STXBP5: variants seen among roughly 807,000 people sequenced by gnomAD.
STXBP5 encodes the protein syntaxin-binding protein 5.
A neutral mutation model predicts 152.4 loss-of-function variants in STXBP5; 50 were observed. The observed-to-expected ratio is 0.33, with a 90% CI of 0.26 to 0.42. STXBP5 has a LOEUF of 0.42. Ranked by LOEUF, STXBP5 falls within the 10% of genes least tolerant of loss-of-function variation. STXBP5 has a pLI of 1.00. For missense variants in STXBP5, 1,167 were observed against 1,388.6 expected, an observed-to-expected ratio of 0.84 and a Z score of 2.54; for synonymous variants, 492 against 494.7, an observed-to-expected ratio of 0.99 and a Z score of 0.07.
At chr6:147,214,572 A>G (rs1035971346) in intron 2 of STXBP5, among the ~76,000 whole-genome samples, 3 of 152,142 alleles carry the variant, frequency 2.0e-5, no homozygotes, top group Non-Finnish European at 4.4e-5. Context: ...TCTTTGTGAT[A>G]TATGTTTTGG....
intron 25 of STXBP5, among the ~76,000 whole-genome samples, chr6:147,364,492 T>G (rs1785205048): frequency 6.6e-6 from 1 of 152,200 alleles, no homozygotes; most frequent in South Asian, 2.1e-4. Flanking sequence ...CAGTCCTTTT[T>G]AAAGAAGTGT....
Position 147,359,291 on chromosome 6 carries a change from G to C in STXBP5, c.2513G>C (p.Arg838Thr), listed in dbSNP as rs1221215852. The change falls in exon 23 of 28, where the codon AGA becomes ACA. Residue 838 changes from arginine to threonine, a missense_variant. Coordinates refer to ENST00000321680, the MANE Select transcript of STXBP5 (RefSeq NM_001127715.4). Reference protein sequence around the residue: ...ALNLPPGGEQRLLQPVIVSPS... With the variant: ...ALNLPPGGEQTLLQPVIVSPS... ...AACCTTCCCCCAGGGGGAGAGCAAA[G>C]ACTTCTTCAGCCAGTAATTGTGTCT... The C allele has an allele frequency of 6.2e-7, 1 of 1,613,900 alleles. No homozygotes were observed. Among genetic ancestry groups the C allele is most frequent in the Admixed American group, 1.7e-5 (1 of 59,994 alleles).
chr6:147,275,549 CTTTTTTTTTTTTTT>C (rs71031021), intron 7 of STXBP5, among the ~76,000 whole-genome samples: 32 of 64,482 alleles, frequency 5.0e-4, no homozygotes, highest in Non-Finnish European at 8.1e-4. Context: ...AGTAAATATT[CTTTTTTTTTTTTTT>C]TTTTTTTTTT....
chr6:147,386,216 T>C lies in STXBP5; in HGVS notation c.*1461T>C, dbSNP rs542416389. Reference sequence around the variant, plus strand: ...AGCAAAATGGAAGCATTAAAATTAATGTTAATGAAATTTAAATATTGTCTT... The same window carrying C: ...AGCAAAATGGAAGCATTAAAATTAACGTTAATGAAATTTAAATATTGTCTT... On this transcript the variant is annotated 3_prime_UTR_variant, in exon 28 of 28. Coordinates refer to ENST00000321680, the MANE Select transcript of STXBP5 (RefSeq NM_001127715.4). 6.6e-6 allele frequency: 1 copy of C among 152,042 alleles called. No individual in the cohort carries two copies. Among genetic ancestry groups the C allele is most frequent in the South Asian group, 2.1e-4 (1 of 4,824 alleles). 9.4% of individuals were successfully genotyped at this position (152,042 alleles called of 1,614,324 possible).
At chr6:147,310,642 C>G (rs1322186084) in intron 10 of STXBP5, among the ~76,000 whole-genome samples, 1 of 152,036 alleles carries the variant, frequency 6.6e-6, no homozygotes, top group African/African-American at 2.4e-5. Flanking sequence ...GCTGGAAATT[C>G]AGGAAGGCAT....
In STXBP5 at chr6:147,315,587, C is replaced by G. The variant is rs1271524688; in HGVS notation, c.1475C>G (p.Pro492Arg). 4 of 1,613,712 alleles carry G rather than the reference C, an allele frequency of 2.5e-6. No homozygotes were observed. In the South Asian group the frequency reaches 4.4e-5, roughly 18 times the overall value. The change falls in exon 15 of 28, where the codon CCA becomes CGA. Residue 492 changes from proline (P) to arginine (R), a missense_variant. By Grantham distance (103) the Pro-to-Arg change is moderately radical. This residue lies in a region of STXBP5 where 833 missense variants were observed against 986.3 expected (regional missense o/e 0.84). Coordinates refer to ENST00000321680, the MANE Select transcript of STXBP5 (RefSeq NM_001127715.4). ...AAGTCAAGAAATAAAGATGACAGGCCAAACACAGACATTGTAGATGAAGAT... is the reference window on the plus strand; with the variant it reads ...AAGTCAAGAAATAAAGATGACAGGCGAAACACAGACATTGTAGATGAAGAT... ...FEKSRNKDDRPNTDIVDEDPY... is the reference protein window; with the variant it reads ...FEKSRNKDDRRNTDIVDEDPY...
At chr6:147,236,829 C>G (rs989277450) in intron 3 of STXBP5, among the ~76,000 whole-genome samples, 2 of 148,976 alleles carry the variant, frequency 1.3e-5, no homozygotes, top group Non-Finnish European at 3.0e-5. Context: ...CCCAGGCTGG[C>G]ATGCAATGGC....
chr6:147,278,153 A>G lies in STXBP5; in HGVS notation c.787A>G (p.Ile263Val), dbSNP rs148528112. The change falls in exon 8 of 28, where the codon ATA becomes GTA. Residue 263 changes from isoleucine (I) to valine (V), a missense_variant. Coordinates refer to ENST00000321680, the MANE Select transcript of STXBP5 (RefSeq NM_001127715.4). ...CAGTCATTCAGATGGCACCTTGACT[A>G]TATGGAATGTAAGGTCCCCTGCTAA... Reference protein sequence around the residue: ...ICSHSDGTLTIWNVRSPAKPV... With the variant: ...ICSHSDGTLTVWNVRSPAKPV... 432 of 1,612,914 alleles carry G rather than the reference A, an allele frequency of 2.7e-4. No individual in the cohort carries two copies. The African/African-American group carries it at 4.7e-3, about 18-fold the overall frequency.
chr6:147,235,895 G>A (rs1405370943), intron 3 of STXBP5, among the ~76,000 whole-genome samples: 1 of 152,062 alleles, frequency 6.6e-6, no homozygotes. Context: ...AAGAGCATAC[G>A]AGCAGCTCAG....
intron 25 of STXBP5, among the ~76,000 whole-genome samples, chr6:147,366,027 A>G (rs1056353516): frequency 2.6e-5 from 4 of 152,206 alleles, no homozygotes; most frequent in Non-Finnish European, 4.4e-5. Context: ...AAGGTGTCCC[A>G]GCTTTAATGC....
intron 4 of STXBP5, 129 bp from the exon 5 acceptor site, chr6:147,260,486 T>A: frequency 3.0e-6 from 3 of 1,001,468 alleles, no homozygotes; most frequent in Non-Finnish European, 4.5e-6. Flanking sequence ...TCACAATGAA[T>A]AGATAAATCT....
chr6:147,289,337 A>G (rs1781158850), intron 8 of STXBP5, among the ~76,000 whole-genome samples: 1 of 152,176 alleles, frequency 6.6e-6, no homozygotes, highest in African/African-American at 2.4e-5. Flanking sequence ...TACTGGGTGA[A>G]CTTTAAGATC....
Position 147,333,846 on chromosome 6 carries a change from A to G in STXBP5, c.2081-311A>G, listed in dbSNP as rs148682576. Among the ~76,000 whole-genome samples the G allele has an allele frequency of 5.7e-3, 874 of 152,340 alleles. 1 individual carries two copies. The highest frequency in any genetic ancestry group is 8.7e-3 in the Non-Finnish European group (592 of 68,024). ...TCTTGATGTGTTTTTGTTTATTTAT[A>G]ATGTTTAGACAATTTGCAGGGGTTT... On this transcript the variant is annotated intron_variant, in intron 18 of 27. Coordinates refer to ENST00000321680, the MANE Select transcript of STXBP5 (RefSeq NM_001127715.4).
chr6:147,329,278 GTTA>G (rs1038641806), intron 18 of STXBP5, among the ~76,000 whole-genome samples: 2 of 145,540 alleles, frequency 1.4e-5, no homozygotes, highest in African/African-American at 2.5e-5. Context: ...GCTTTATTTT[GTTA>G]TTGAAGAATT....
chr6:147,353,294 G>A, intron 21 of STXBP5, 29 bp from the exon 22 acceptor site: 1 of 1,496,508 alleles, frequency 6.7e-7, no homozygotes, highest in Non-Finnish European at 9.1e-7. Flanking sequence ...ATATTCTTCA[G>A]AATTTTAAAA....
At chr6:147,253,567 C>G (rs892383183) in intron 4 of STXBP5, among the ~76,000 whole-genome samples, 1 of 152,120 alleles carries the variant, frequency 6.6e-6, no homozygotes, top group Non-Finnish European at 1.5e-5. Flanking sequence ...CGTCTCAGCC[C>G]AAAATCTCCT....
At chr6:147,244,291 A>T (rs1305766608) in intron 4 of STXBP5, among the ~76,000 whole-genome samples, 2 of 152,088 alleles carry the variant, frequency 1.3e-5, no homozygotes, top group East Asian at 3.9e-4. Flanking sequence ...TGACTGATTG[A>T]CTTGATTACT....
chr6:147,249,933 A>G lies in STXBP5; in HGVS notation c.431+10663A>G, dbSNP rs78857370. 4.4e-3 allele frequency among the ~76,000 whole-genome samples: 667 copies of G among 152,322 alleles called. 14 individuals carry two copies. The highest frequency in any genetic ancestry group is 0.034 in the Admixed American group (526 of 15,294). On this transcript the variant is annotated intron_variant, in intron 4 of 27. Transcript: ENST00000321680. ...CCCACAGGCATTTCAGCAGGAGCCA[A>G]AATGGAGAAAGGGTTCTCTGAAAAA...
chr6:147,231,098 A>G (rs771938773), intron 2 of STXBP5, among the ~76,000 whole-genome samples: 7 of 151,858 alleles, frequency 4.6e-5, no homozygotes, highest in African/African-American at 1.7e-4. Context: ...AAAAAAAAAT[A>G]AATAGATAAG....
Sources: allele counts gnomAD v4.1 joint callset (sites outside exome capture counted in the v4.1 genomes callset), GRCh38; gene constraint gnomAD v4.1.1; regional missense constraint gnomAD v4.1.1; transcripts MANE v1.5; gene names NCBI Gene and HGNC (gene_info 2026-07-23, HGNC 2026-07-21).